URGCP: variants seen among roughly 807,000 people sequenced by gnomAD.
The protein encoded by URGCP is up-regulator of cell proliferation.
Under a neutral mutation model 24.6 loss-of-function variants are expected in URGCP, and 13 were observed. The ratio of observed to expected loss-of-function variants is 0.53; its 90% confidence interval spans 0.34 to 0.84. URGCP has a LOEUF of 0.84. Among genes scored for constraint, URGCP ranks in the 40% least tolerant of loss-of-function variants. URGCP has a pLI of 0.01. For missense variants in URGCP, 899 were observed against 1,194.3 expected, an observed-to-expected ratio of 0.75 and a Z score of 3.64; for synonymous variants, 444 against 487.2, an observed-to-expected ratio of 0.91 and a Z score of 1.17.
intron 1 of URGCP, among the ~76,000 whole-genome samples, chr7:43,899,510 G>T (rs1164178913): frequency 2.6e-5 from 4 of 151,838 alleles, no homozygotes; most frequent in Non-Finnish European, 5.9e-5. Context: ...AAATATTTAT[G>T]AAATAACAAT....
intron 1 of URGCP, among the ~76,000 whole-genome samples, chr7:43,896,734 C>T (rs570755465): frequency 1.3e-5 from 2 of 152,170 alleles, no homozygotes; most frequent in African/African-American, 2.4e-5. Flanking sequence ...AAAAACACTA[C>T]AAACACACAT....
intron 3 of URGCP, among the ~76,000 whole-genome samples, chr7:43,885,486 A>G (rs2095860751): frequency 6.7e-6 from 1 of 150,110 alleles, no homozygotes; most frequent in Admixed American, 6.7e-5. Flanking sequence ...CATATGCTCA[A>G]GAGGAACTCA....
Position 43,887,430 on chromosome 7 carries a change from C to A in URGCP, c.97G>T (p.Ala33Ser), listed in dbSNP as rs2095863772. The A allele has an allele frequency of 8.7e-6, 14 of 1,613,804 alleles. No individual in the cohort carries two copies. Among genetic ancestry groups the A allele is most frequent in the Non-Finnish European group, 8.5e-6 (10 of 1,179,852 alleles). Residue 33 changes from alanine (A) to serine (S), a missense_variant, in exon 3 of 6, where the codon GCT becomes TCT. Ala to Ser is a moderately conservative substitution (Grantham distance 99). Transcript: ENST00000453200. ...CCAACTTTACCTGCAATGGCCACAG[C>A]TGTTCGTCTCTCTGATGCTTTTATT... ...PEIKASERRT[A>S]VAIADLEWRE... is the part of the protein sequence containing the mutation.
chr7:43,882,530 C>A (rs1334514960), intron 3 of URGCP, among the ~76,000 whole-genome samples: 1 of 151,794 alleles, frequency 6.6e-6, no homozygotes, highest in Non-Finnish European at 1.5e-5. Flanking sequence ...ATTACTTGAG[C>A]CTGGGAGGTC....
chr7:43,919,871 C>G, intron 1 of URGCP: 1 of 1,296,270 alleles, frequency 7.7e-7, no homozygotes. Context: ...TCTAGAGAAC[C>G]TGTCGCCAAT....
chr7:43,890,321 T>A (rs1037606924), intron 1 of URGCP, among the ~76,000 whole-genome samples: 11 of 150,916 alleles, frequency 7.3e-5, no homozygotes, highest in Non-Finnish European at 1.0e-4. Context: ...TTCACGCCAT[T>A]CTCCTGCTTC....
At chr7:43,885,889 A>T in intron 3 of URGCP, among the ~76,000 whole-genome samples, 1 of 152,266 alleles carries the variant, frequency 6.6e-6, no homozygotes, top group South Asian at 2.1e-4. Context: ...TTAATTTTAA[A>T]CAATGTGCCT....
At chr7:43,895,710 A>T (rs2095877340) in intron 1 of URGCP, among the ~76,000 whole-genome samples, 1 of 152,216 alleles carries the variant, frequency 6.6e-6, no homozygotes. Flanking sequence ...GCTGGTAAGG[A>T]TGTGGAGTAA....
chr7:43,899,026 C>T (rs1345917627), intron 1 of URGCP, among the ~76,000 whole-genome samples: 7 of 149,562 alleles, frequency 4.7e-5, no homozygotes, highest in South Asian at 4.2e-4. Context: ...CCCAGCTACT[C>T]GGGAGGCTGA....
chr7:43,899,217 ATATT>A (rs545764816), intron 1 of URGCP, among the ~76,000 whole-genome samples: 4 of 147,492 alleles, frequency 2.7e-5, no homozygotes, highest in African/African-American at 4.9e-5. Flanking sequence ...ACAAATATAA[ATATT>A]TATATTTATA....
rs1484524647 is a variant in URGCP, at chr7:43,900,643, G to A, written c.14+5919C>T. Among the ~76,000 whole-genome samples, 4 of 152,252 alleles carry A rather than the reference G, an allele frequency of 2.6e-5. No homozygotes were observed. In the East Asian group the frequency reaches 7.7e-4, roughly 29 times the overall value. ...ATTGTGTTGCCCAGGCTTAAGTGCA[G>A]TGGTATGATTATGGCTCACCGCTGC... On this transcript the variant is annotated intron_variant, in intron 1 of 5. Transcript: ENST00000453200.
intron 1 of URGCP, chr7:43,919,856 A>G: frequency 7.8e-7 from 1 of 1,284,670 alleles, no homozygotes; most frequent in Non-Finnish European, 1.1e-6. Context: ...GCATCTCCTC[A>G]CTCTTCTAGA....
Position 43,876,777 on chromosome 7 carries a change from T to C in URGCP, c.2686A>G (p.Ser896Gly). The change falls in exon 6 of 6, where the codon AGT (serine) becomes GGT (glycine). Residue 896 changes from serine (S) to glycine (G), a missense_variant. Transcript: ENST00000453200. The stretch of plus-strand genomic sequence containing the variant: ...CTCTTCAATTCAAATATGGCTTCAC[T>C]GTAGGCCAAGCTCACTGCGGCCATG... ...PPMAAVSLAY[S>G]EAIFELKRCL... 4.3e-6 allele frequency: 7 copies of C among 1,614,214 alleles called. No individual in the cohort carries two copies. Among genetic ancestry groups the C allele is most frequent in the East Asian group, 2.2e-5 (1 of 44,870 alleles).
chr7:43,911,061 A>G (rs1374297391), upstream of URGCP, among the ~76,000 whole-genome samples: 2 of 152,184 alleles, frequency 1.3e-5, no homozygotes, highest in Non-Finnish European at 2.9e-5. Flanking sequence ...TAGTACAATC[A>G]GACAGGAGAA....
Position 43,876,651 on chromosome 7 carries a change from G to A in URGCP, c.*16C>T, listed in dbSNP as rs751729480. Reference sequence around the variant, plus strand: ...CACAGCAGCCTCCTACACCTGAACTGGGTTTCTCTGCACACTCACAGCCGT... The same window carrying A: ...CACAGCAGCCTCCTACACCTGAACTAGGTTTCTCTGCACACTCACAGCCGT... On this transcript the variant is annotated 3_prime_UTR_variant, in exon 6 of 6. Coordinates refer to ENST00000453200, the MANE Select transcript of URGCP (RefSeq NM_001077663.3). The A allele has an allele frequency of 6.2e-6, 10 of 1,609,194 alleles. No homozygotes were observed. In the South Asian group the frequency reaches 1.1e-4, roughly 18 times the overall value.
chr7:43,900,317 T>TG, intron 1 of URGCP, among the ~76,000 whole-genome samples: 1 of 151,134 alleles, frequency 6.6e-6, no homozygotes, highest in East Asian at 2.0e-4. Context: ...TAGCCAGGCA[T>TG]GGTGGTGCAC....
intron 3 of URGCP, among the ~76,000 whole-genome samples, chr7:43,886,941 A>G (rs1248764582): frequency 6.6e-6 from 1 of 152,152 alleles, no homozygotes; most frequent in Non-Finnish European, 1.5e-5. Context: ...TATGGACCAT[A>G]ACCAGGAAGA....
intron 5 of URGCP, among the ~76,000 whole-genome samples, chr7:43,880,555 A>G (rs916875737): frequency 6.6e-6 from 1 of 152,150 alleles, no homozygotes; most frequent in Non-Finnish European, 1.5e-5. Context: ...AGATCCACTC[A>G]TCTCAGCTTC....
chr7:43,877,077 G>C lies in URGCP; in HGVS notation c.2386C>G (p.Pro796Ala). The C allele has an allele frequency of 6.2e-7, 1 of 1,614,242 alleles. No individual in the cohort carries two copies. Among genetic ancestry groups the C allele is most frequent in the South Asian group, 1.1e-5 (1 of 91,082 alleles). The change falls in exon 6 of 6, where the codon CCA becomes GCA. Residue 796 changes from proline (P) to alanine (A), a missense_variant. Pro to Ala is a conservative substitution (Grantham distance 27). Transcript: ENST00000453200. ...VISLAETKDIPAAILHAFLRL... is the reference protein window; with the variant it reads ...VISLAETKDIAAAILHAFLRL... ...AGAAATGCATGCAGAATAGCTGCTGGAATGTCCTTGGTTTCAGCTAGACTG... is the reference window on the plus strand; with the variant it reads ...AGAAATGCATGCAGAATAGCTGCTGCAATGTCCTTGGTTTCAGCTAGACTG...
Sources: allele counts gnomAD v4.1 joint callset (sites outside exome capture counted in the v4.1 genomes callset), GRCh38; gene constraint gnomAD v4.1.1; transcripts MANE v1.5; gene names NCBI Gene and HGNC (gene_info 2026-07-23, HGNC 2026-07-21).